RAPGEF5: variants seen among roughly 807,000 people sequenced by gnomAD.
RAPGEF5 encodes the protein Rap guanine nucleotide exchange factor 5.
In RAPGEF5, 65 loss-of-function variants were observed where a neutral mutation model predicts 125.2. The observed-to-expected ratio is 0.52, with a 90% CI of 0.43 to 0.64. The LOEUF is 0.64. RAPGEF5 is among the 30% of genes least tolerant of loss of function. The pLI is 0.00. For synonymous variants in RAPGEF5, 391 were observed against 385.9 expected, an observed-to-expected ratio of 1.01 and a Z score of -0.16; for missense variants, 958 against 1,048.1, an observed-to-expected ratio of 0.91 and a Z score of 1.19.
chr7:22,211,409 AT>A (rs1785504535), intron 9 of RAPGEF5, among the ~76,000 whole-genome samples: 1 of 152,242 alleles, frequency 6.6e-6, no homozygotes, highest in African/African-American at 2.4e-5. Context: ...CATGCACAAA[AT>A]TCATTTCTAC....
chr7:22,133,353 G>A (rs1017779804), intron 23 of RAPGEF5, among the ~76,000 whole-genome samples: 7 of 152,076 alleles, frequency 4.6e-5, no homozygotes, highest in Non-Finnish European at 1.0e-4. Flanking sequence ...TGCATGACAC[G>A]GAAGGTATGA....
intron 8 of RAPGEF5, among the ~76,000 whole-genome samples, chr7:22,229,024 G>C (rs2128134216): frequency 6.6e-6 from 1 of 152,156 alleles, no homozygotes. Context: ...TGCATGCTAG[G>C]TACTGTCTAG....
intron 7 of RAPGEF5, among the ~76,000 whole-genome samples, chr7:22,259,424 G>C (rs1225849080): frequency 6.6e-6 from 1 of 152,200 alleles, no homozygotes; most frequent in Non-Finnish European, 1.5e-5. Flanking sequence ...AAATAGTATA[G>C]CCACTTTGGA....
At chr7:22,244,346 G>A (rs918583131) in intron 7 of RAPGEF5, among the ~76,000 whole-genome samples, 1 of 152,126 alleles carries the variant, frequency 6.6e-6, no homozygotes, top group African/African-American at 2.4e-5. Flanking sequence ...CTGATCCATG[G>A]CCTGTTAGGA....
At chr7:22,160,878 G>A (rs1317719918) in intron 13 of RAPGEF5, among the ~76,000 whole-genome samples, 1 of 152,120 alleles carries the variant, frequency 6.6e-6, no homozygotes, top group East Asian at 1.9e-4. Context: ...CTGGCTACTA[G>A]AGATTTCCAG....
chr7:22,344,301 C>T (rs1784183446), intron 1 of RAPGEF5, among the ~76,000 whole-genome samples: 1 of 152,148 alleles, frequency 6.6e-6, no homozygotes, highest in African/African-American at 2.4e-5. Context: ...ATCAAGGGTC[C>T]TCTAGAAAAC....
At chr7:22,252,591 A>T (rs1362910332) in intron 7 of RAPGEF5, among the ~76,000 whole-genome samples, 2 of 152,236 alleles carry the variant, frequency 1.3e-5, no homozygotes, top group African/African-American at 4.8e-5. Context: ...TCAGGGTTAA[A>T]GGAATCTAAC....
At chr7:22,281,732 G>A (rs1782677690) in intron 6 of RAPGEF5, among the ~76,000 whole-genome samples, 1 of 152,198 alleles carries the variant, frequency 6.6e-6, no homozygotes, top group African/African-American at 2.4e-5. Context: ...AGGGTTTCCT[G>A]GGTTAACTTA....
intron 9 of RAPGEF5, among the ~76,000 whole-genome samples, chr7:22,205,502 A>G (rs141658377): frequency 2.0e-5 from 3 of 152,292 alleles, no homozygotes; most frequent in African/African-American, 7.2e-5. Flanking sequence ...AGTGCTAAAC[A>G]CTGGGGATAA....
chr7:22,142,774 T>TGGG (rs1213620982), intron 20 of RAPGEF5, among the ~76,000 whole-genome samples: 1 of 152,068 alleles, frequency 6.6e-6, no homozygotes, highest in Admixed American at 6.6e-5. Flanking sequence ...TCCACAGAGG[T>TGGG]GGGGGATGGG....
chr7:22,190,732 T>C (rs754383631), intron 11 of RAPGEF5, among the ~76,000 whole-genome samples: 8 of 152,232 alleles, frequency 5.3e-5, no homozygotes, highest in Non-Finnish European at 1.0e-4. Flanking sequence ...TTAGTGACTT[T>C]TGTGGGAAAG....
At chr7:22,129,451 G>A (rs1782847919) in intron 24 of RAPGEF5, among the ~76,000 whole-genome samples, 1 of 152,114 alleles carries the variant, frequency 6.6e-6, no homozygotes, top group South Asian at 2.1e-4. Flanking sequence ...AGATGTGTTG[G>A]CCAGGAAGCG....
chr7:22,343,644 T>C (rs767584081), intron 1 of RAPGEF5, among the ~76,000 whole-genome samples: 2 of 152,208 alleles, frequency 1.3e-5, no homozygotes, highest in East Asian at 3.9e-4. Flanking sequence ...GTGAGGTTAC[T>C]GTAGAAGATG....
intron 1 of RAPGEF5, among the ~76,000 whole-genome samples, chr7:22,347,623 G>A (rs1375861548): frequency 1.3e-5 from 2 of 152,164 alleles, no homozygotes; most frequent in Non-Finnish European, 2.9e-5. Flanking sequence ...AGAGGATGCA[G>A]AAGAAGTGTT....
chr7:22,299,019 CT>C (rs545568109), intron 5 of RAPGEF5, among the ~76,000 whole-genome samples: 515 of 123,818 alleles, frequency 4.2e-3, no homozygotes, highest in Non-Finnish European at 6.4e-3. Flanking sequence ...GATTTCGTAC[CT>C]TTTTTTTTTT....
At chr7:22,197,088 G>A (rs927599739) in intron 9 of RAPGEF5, among the ~76,000 whole-genome samples, 12 of 152,110 alleles carry the variant, frequency 7.9e-5, no homozygotes, top group Non-Finnish European at 1.2e-4. Context: ...CCAGGAGAGC[G>A]CTGTATCAGG....
chr7:22,287,242 G>A (rs141306209), intron 6 of RAPGEF5, among the ~76,000 whole-genome samples: 1 of 152,224 alleles, frequency 6.6e-6, no homozygotes, highest in African/African-American at 2.4e-5. Context: ...CAATTTAATT[G>A]CTCATGTTTA....
chr7:22,168,236 G>A (rs955135747), intron 11 of RAPGEF5, among the ~76,000 whole-genome samples: 3 of 152,142 alleles, frequency 2.0e-5, no homozygotes, highest in African/African-American at 4.8e-5. Context: ...AAGGCCATGA[G>A]GGTGGAGCCC....
intron 9 of RAPGEF5, among the ~76,000 whole-genome samples, chr7:22,212,537 T>A (rs1785534750): frequency 6.6e-6 from 1 of 151,926 alleles, no homozygotes; most frequent in African/African-American, 2.4e-5. Context: ...CAAGCCACAC[T>A]GTAAATTGCT....
Sources: allele counts gnomAD v4.1 joint callset (sites outside exome capture counted in the v4.1 genomes callset), GRCh38; gene constraint gnomAD v4.1.1; transcripts MANE v1.5; gene names NCBI Gene and HGNC (gene_info 2026-07-23, HGNC 2026-07-21).